The following ZHX2 variants were observed in gnomAD, a reference collection of about 807,000 sequenced individuals.
The protein encoded by ZHX2 is zinc fingers and homeoboxes 2.
Under a neutral mutation model 21.9 loss-of-function variants are expected in ZHX2, and 6 were observed. The ratio of observed to expected loss-of-function variants is 0.27; its 90% CI spans 0.15 to 0.54. The LOEUF is 0.54. Ranked by LOEUF, ZHX2 falls within the 20% of genes least tolerant of loss-of-function variation. The pLI is 0.95. For missense variants in ZHX2, 908 were observed against 1,090.7 expected (o/e 0.83, Z 2.36); for synonymous variants, 434 against 437.1 (o/e 0.99, Z 0.09).
chr8:122,782,980 C>A lies in ZHX2; in HGVS notation c.-283+1034C>A, dbSNP rs1157034606. 6.6e-6 allele frequency among the ~76,000 whole-genome samples: 1 copy of A among 152,156 alleles called. No individual in the cohort carries two copies. The highest frequency in any genetic ancestry group is 1.5e-5 in the Non-Finnish European group (1 of 68,030). On this transcript the variant is annotated intron_variant, in intron 1 of 3. Transcript: ENST00000314393. The surrounding 1 kb of genome is among the most constrained non-coding windows in gnomAD (Gnocchi z 5.3). ...AGGAGGCTGCGGAGACGAAGATGAG[C>A]GGAAAGTTGGAAACCAGCAGGCATC...
chr8:122,814,482 T>C (rs1817990712), intron 1 of ZHX2, among the ~76,000 whole-genome samples: 1 of 152,236 alleles, frequency 6.6e-6, no homozygotes, highest in Non-Finnish European at 1.5e-5. Flanking sequence ...AATTGACACA[T>C]TGGCTCAGGC....
rs768619509 is a variant in ZHX2, at chr8:122,973,723, G to A, written c.*486G>A. On this transcript the variant is annotated 3_prime_UTR_variant, in exon 4 of 4. Coordinates refer to ENST00000314393, the MANE Select transcript of ZHX2 (RefSeq NM_014943.5). The stretch of plus-strand genomic sequence containing the variant: ...TAGCATTAGTGCCATGATATCTACT[G>A]GATTTTAAGTAGGGAGACTTTATTT... The A allele has an allele frequency of 6.6e-6, 1 of 152,350 alleles. No individual in the cohort carries two copies. Among genetic ancestry groups the A allele is most frequent in the Non-Finnish European group, 1.5e-5 (1 of 67,982 alleles). The allele number at this position is 152,350 out of a possible 1,614,324, so 9.4% of individuals were successfully genotyped here.
At chr8:122,964,614 G>A (rs1273703360) in intron 3 of ZHX2, among the ~76,000 whole-genome samples, 2 of 151,888 alleles carry the variant, frequency 1.3e-5, no homozygotes, top group African/African-American at 4.8e-5. Flanking sequence ...TTTTTCTTTT[G>A]TTACATCCTT....
rs373166729 is a variant in ZHX2, at chr8:122,942,657, A to C, written c.-219-8635A>C. On this transcript the variant is annotated intron_variant, in intron 2 of 3. Coordinates refer to ENST00000314393, the MANE Select transcript of ZHX2 (RefSeq NM_014943.5). The stretch of plus-strand genomic sequence containing the variant: ...TGCAGTCTGACTCCTCACCTCCCCC[A>C]GATGCATCCCTAGAGAGGTCAAGAG... 2.7e-3 allele frequency among the ~76,000 whole-genome samples: 406 copies of C among 152,194 alleles called. 1 individual carries two copies. Among genetic ancestry groups the C allele is most frequent in the Non-Finnish European group, 5.0e-3 (341 of 67,990 alleles).
chr8:122,832,311 G>T (rs182666893), intron 1 of ZHX2, among the ~76,000 whole-genome samples: 2 of 152,272 alleles, frequency 1.3e-5, no homozygotes, highest in Admixed American at 1.3e-4. Flanking sequence ...TGTTAGTTTG[G>T]CTTGGAGAGA....
At chr8:122,945,436 CAAAAAAAAA>C (rs60890533) in intron 2 of ZHX2, among the ~76,000 whole-genome samples, 4,080 of 73,584 alleles carry the variant, frequency 0.055, 103 homozygotes, top group Non-Finnish European at 0.069. Context: ...CCTGTCTCTG[CAAAAAAAAA>C]AAAAAAAAAA....
At chr8:122,935,428 G>A (rs374233859) in intron 2 of ZHX2, among the ~76,000 whole-genome samples, 2 of 151,730 alleles carry the variant, frequency 1.3e-5, no homozygotes, top group African/African-American at 2.4e-5. Context: ...GAGCCTCCCC[G>A]TTTTCACTGA....
intron 1 of ZHX2, among the ~76,000 whole-genome samples, chr8:122,800,612 T>C (rs549679847): frequency 6.6e-6 from 1 of 152,346 alleles, no homozygotes; most frequent in Non-Finnish European, 1.5e-5. Flanking sequence ...ACTTGGCACA[T>C]TGGGAATTTG....
chr8:122,949,095 C>G (rs908341594), intron 2 of ZHX2, among the ~76,000 whole-genome samples: 1 of 152,322 alleles, frequency 6.6e-6, no homozygotes, highest in Admixed American at 6.5e-5. Flanking sequence ...GAGGCCAAGG[C>G]AGGCAGATCA....
At chr8:122,852,800 C>T (rs1476934913) in intron 1 of ZHX2, among the ~76,000 whole-genome samples, 1 of 152,034 alleles carries the variant, frequency 6.6e-6, no homozygotes, top group Non-Finnish European at 1.5e-5. Flanking sequence ...CTGGTTCTTG[C>T]TTGCATCTTG....
intron 2 of ZHX2, among the ~76,000 whole-genome samples, chr8:122,897,342 C>T (rs1256996881): frequency 1.3e-5 from 2 of 152,232 alleles, no homozygotes; most frequent in African/African-American, 2.4e-5. Context: ...ATAACAGTAA[C>T]CACCATGAGT....
chr8:122,836,471 T>A (rs970781089), intron 1 of ZHX2, among the ~76,000 whole-genome samples: 16 of 152,278 alleles, frequency 1.1e-4, no homozygotes, highest in Non-Finnish European at 2.2e-4. Context: ...GGTTCTTGTA[T>A]CGGTTCGAAC....
At chr8:122,954,055 CA>C (rs1563604970) in intron 3 of ZHX2, 27 bp downstream of exon 3, 81 of 1,537,356 alleles carry the variant, frequency 5.3e-5, no homozygotes, top group Non-Finnish European at 7.1e-5. Context: ...ACCCAGGCAG[CA>C]GGGGAGAACG....
At chr8:122,796,528 C>T (rs1356786015) in intron 1 of ZHX2, among the ~76,000 whole-genome samples, 1 of 152,176 alleles carries the variant, frequency 6.6e-6, no homozygotes, top group Non-Finnish European at 1.5e-5. Context: ...CATGCCCATG[C>T]TTAAGTAATA....
At chr8:122,823,326 G>T (rs926723466) in intron 1 of ZHX2, among the ~76,000 whole-genome samples, 2 of 152,224 alleles carry the variant, frequency 1.3e-5, no homozygotes, top group African/African-American at 4.8e-5. Flanking sequence ...TGAAAAACTA[G>T]CATCTGCTCA....
At chr8:122,860,496 T>C (rs1819138600) in intron 1 of ZHX2, among the ~76,000 whole-genome samples, 1 of 152,220 alleles carries the variant, frequency 6.6e-6, no homozygotes, top group Non-Finnish European at 1.5e-5. Flanking sequence ...TTCATGCAAC[T>C]CTTTAACAAA....
intron 2 of ZHX2, among the ~76,000 whole-genome samples, chr8:122,895,711 C>G (rs3114984): frequency 6.7e-6 from 1 of 150,252 alleles, no homozygotes; most frequent in African/African-American, 2.5e-5. Flanking sequence ...CATCTGCAGT[C>G]TAAGACCCAG....
At chr8:122,785,735 GCC>G (rs1563729526) in intron 1 of ZHX2, among the ~76,000 whole-genome samples, 3 of 152,176 alleles carry the variant, frequency 2.0e-5, no homozygotes, top group Admixed American at 2.0e-4. Flanking sequence ...GGCATGTGCC[GCC>G]TGAGAAAGAA....
intron 3 of ZHX2, among the ~76,000 whole-genome samples, chr8:122,955,173 G>A (rs1441051876): frequency 6.6e-6 from 1 of 150,584 alleles, no homozygotes; most frequent in African/African-American, 2.5e-5. Context: ...TTCCTAAGAG[G>A]TCAGTGCAAA....
Sources: allele counts gnomAD v4.1 joint callset (sites outside exome capture counted in the v4.1 genomes callset), GRCh38; gene constraint gnomAD v4.1.1; non-coding constraint Gnocchi (gnomAD v3.1); transcripts MANE v1.5; gene names NCBI Gene and HGNC (gene_info 2026-07-23, HGNC 2026-07-21).